Variants in PDE4D observed in about 807,000 individuals in gnomAD.
PDE4D encodes 3',5'-cyclic-AMP phosphodiesterase 4D.
A neutral mutation model predicts 87.4 loss-of-function variants in PDE4D; 24 were observed. That is an observed-to-expected ratio of 0.27 (90% confidence interval 0.20 to 0.39). The LOEUF is 0.39. PDE4D is among the 10% of genes least tolerant of loss of function. PDE4D has a pLI of 1.00. For synonymous variants in PDE4D, 384 were observed against 383.2 expected, an observed-to-expected ratio of 1.00 and a Z score of -0.02; for missense variants, 714 against 1,041.0, an observed-to-expected ratio of 0.69 and a Z score of 4.32.
chr5:59,161,117 A>G (rs1422686305), intron 5 of PDE4D, among the ~76,000 whole-genome samples: 2 of 152,012 alleles, frequency 1.3e-5, no homozygotes, highest in African/African-American at 4.8e-5. Context: ...CGCCAACAAA[A>G]AAGTTTTTTC....
At chr5:59,423,815 CTTTT>C (rs34296140) in intron 1 of PDE4D, among the ~76,000 whole-genome samples, 1 of 142,436 alleles carries the variant, frequency 7.0e-6, no homozygotes, top group Admixed American at 7.0e-5. Context: ...GGAATGTAAC[CTTTT>C]TTTTTTTTTT....
Position 59,033,209 on chromosome 5 carries a change from G to A in PDE4D, c.921+5650C>T, listed in dbSNP as rs928150612. Among the ~76,000 whole-genome samples, 6 of 152,126 alleles carry A rather than the reference G, an allele frequency of 3.9e-5. No homozygotes were observed. The East Asian group carries it at 9.7e-4, about 24-fold the overall frequency. On this transcript the variant is annotated intron_variant, in intron 6 of 14. Coordinates refer to ENST00000340635, the MANE Select transcript of PDE4D (RefSeq NM_001104631.2). ...GAACTTAACTAATTTCCTAATGGAC[G>A]CAGCAGAATTGTTTGTTGTTTAAGC...
At chr5:59,214,374 A>T (rs1007722419) in intron 2 of PDE4D, among the ~76,000 whole-genome samples, 2 of 152,068 alleles carry the variant, frequency 1.3e-5, no homozygotes, top group Non-Finnish European at 2.9e-5. Context: ...CATCAAGCAG[A>T]TTGTCATTCC....
At chr5:59,211,903 T>G (rs1750169404) in intron 2 of PDE4D, among the ~76,000 whole-genome samples, 1 of 152,136 alleles carries the variant, frequency 6.6e-6, no homozygotes, top group East Asian at 1.9e-4. Context: ...TAGTTATATT[T>G]AAACTTAAAG....
At chr5:59,777,822 A>AT (rs888412428) in intron 1 of PDE4D, among the ~76,000 whole-genome samples, 6 of 152,160 alleles carry the variant, frequency 3.9e-5, no homozygotes, top group African/African-American at 9.6e-5. Flanking sequence ...ATCATAAACC[A>AT]TTTTTTTCAA....
upstream of PDE4D, among the ~76,000 whole-genome samples, chr5:59,896,305 A>G (rs554581386): frequency 3.3e-5 from 5 of 152,276 alleles, no homozygotes; most frequent in African/African-American, 1.2e-4. Context: ...AGTATCCTAA[A>G]TATCATGTTA....
intron 6 of PDE4D, among the ~76,000 whole-genome samples, chr5:59,033,287 C>T (rs1757915848): frequency 6.6e-6 from 1 of 152,288 alleles, no homozygotes; most frequent in Non-Finnish European, 1.5e-5. Flanking sequence ...AAAAAGTCTT[C>T]TTCAAATGCC....
At chr5:59,576,173 C>T (rs535967284) in intron 1 of PDE4D, among the ~76,000 whole-genome samples, 2 of 152,236 alleles carry the variant, frequency 1.3e-5, no homozygotes, top group Admixed American at 1.3e-4. Context: ...CTGGTTTTCT[C>T]ATTTAATCTT....
chr5:59,182,726 G>A (rs1741956208), intron 4 of PDE4D, among the ~76,000 whole-genome samples: 1 of 152,028 alleles, frequency 6.6e-6, no homozygotes, highest in Admixed American at 6.6e-5. Context: ...ACAAGTAATG[G>A]CAAGCAGAAA....
chr5:60,361,424 G>A (rs2149955902), intron 1 of PDE4D, among the ~76,000 whole-genome samples: 1 of 152,206 alleles, frequency 6.6e-6, no homozygotes, highest in East Asian at 1.9e-4. Flanking sequence ...ATAAATCAAT[G>A]GTAACTACAT....
intron 1 of PDE4D, among the ~76,000 whole-genome samples, chr5:59,622,671 A>G (rs377542607): frequency 6.6e-6 from 1 of 152,330 alleles, no homozygotes; most frequent in African/African-American, 2.4e-5. Flanking sequence ...TGTAGTTGCC[A>G]AAGCGCATCA....
At chr5:59,505,164 A>G (rs1809026169) in intron 1 of PDE4D, among the ~76,000 whole-genome samples, 1 of 152,138 alleles carries the variant, frequency 6.6e-6, no homozygotes, top group Non-Finnish European at 1.5e-5. Context: ...TTCCCAGGTT[A>G]TGCATAGAAG....
At chr5:59,446,769 C>T (rs1410715048) in intron 1 of PDE4D, among the ~76,000 whole-genome samples, 2 of 152,218 alleles carry the variant, frequency 1.3e-5, no homozygotes, top group East Asian at 1.9e-4. Flanking sequence ...GTAAGTTCTG[C>T]TGTGTTCTAG....
chr5:60,096,931 A>T (rs895519212), intron 2 of PDE4D, among the ~76,000 whole-genome samples: 23 of 152,102 alleles, frequency 1.5e-4, no homozygotes, highest in African/African-American at 5.5e-4. Context: ...GTAACAGTTA[A>T]TGCCTCAGAA....
intron 1 of PDE4D, among the ~76,000 whole-genome samples, chr5:60,503,154 C>T (rs937653093): frequency 6.6e-6 from 1 of 152,002 alleles, no homozygotes; most frequent in Non-Finnish European, 1.5e-5. Flanking sequence ...CAATATTAAC[C>T]ATCACGAATA....
At chr5:59,615,588 TG>T (rs1038793640) in intron 1 of PDE4D, among the ~76,000 whole-genome samples, 3 of 152,208 alleles carry the variant, frequency 2.0e-5, no homozygotes, top group African/African-American at 7.2e-5. Flanking sequence ...AAGCTAACAG[TG>T]ACCAAAAGTG....
At chr5:59,602,455 C>A (rs1827644037) in intron 1 of PDE4D, among the ~76,000 whole-genome samples, 1 of 151,948 alleles carries the variant, frequency 6.6e-6, no homozygotes, top group South Asian at 2.1e-4. Flanking sequence ...TTGATATACA[C>A]TAGCAGCGAA....
At chr5:59,606,305 C>T (rs537082112) in intron 1 of PDE4D, among the ~76,000 whole-genome samples, 5 of 152,178 alleles carry the variant, frequency 3.3e-5, no homozygotes, top group Non-Finnish European at 7.4e-5. Context: ...CTTCCACATA[C>T]CATTTAGAAA....
chr5:59,143,421 A>C (rs1446609230), intron 5 of PDE4D, among the ~76,000 whole-genome samples: 3 of 152,238 alleles, frequency 2.0e-5, no homozygotes, highest in African/African-American at 7.2e-5. Flanking sequence ...ATATCAATTT[A>C]ATATAGGGAT....
Sources: allele counts gnomAD v4.1 joint callset (sites outside exome capture counted in the v4.1 genomes callset), GRCh38; gene constraint gnomAD v4.1.1; transcripts MANE v1.5; gene names NCBI Gene and HGNC (gene_info 2026-07-23, HGNC 2026-07-21).